TTF2: variants seen among roughly 807,000 people sequenced by gnomAD.
The protein encoded by TTF2 is transcription termination factor 2.
In TTF2, 108 loss-of-function variants were observed where a neutral mutation model predicts 142.4. That is an observed-to-expected ratio of 0.76 (90% CI 0.65 to 0.89). The LOEUF (loss-of-function observed/expected upper bound fraction) is 0.89, where lower values mean the gene tolerates loss of function less well. Ranked by LOEUF, TTF2 falls within the 40% of genes least tolerant of loss-of-function variation. The pLI, the probability that TTF2 is intolerant of heterozygous loss-of-function variation, is 0.00. For missense variants in TTF2, 1,327 were observed against 1,379.8 expected (o/e 0.96, Z 0.61); for synonymous variants, 483 against 506.2 (o/e 0.95, Z 0.61).
rs551068951 is a variant in TTF2, at chr1:117,098,609, C to T, written c.3270-224C>T. The T allele has an allele frequency of 3.2e-4, 143 of 452,882 alleles. 4 individuals carry two copies. The South Asian group carries it at 4.5e-3, about 14-fold the overall frequency. The allele number at this position is 452,882 out of a possible 1,614,324, so 28.1% of individuals were successfully genotyped here. On this transcript the variant is annotated intron_variant, in intron 21 of 22. Coordinates refer to ENST00000369466, the MANE Select transcript of TTF2 (RefSeq NM_003594.4). Reference sequence around the variant, plus strand: ...GGCCAGTATAGCTTAGGACAGGGATCGACAGATTTTTTTTCTTTGAGGCTT... The same window carrying T: ...GGCCAGTATAGCTTAGGACAGGGATTGACAGATTTTTTTTCTTTGAGGCTT...
chr1:117,069,340 C>T (rs879304265), intron 3 of TTF2, among the ~76,000 whole-genome samples: 4 of 152,194 alleles, frequency 2.6e-5, no homozygotes, highest in Non-Finnish European at 5.9e-5. Context: ...TTCTGTGACT[C>T]TAAGACATAC....
rs771527454 is a variant in TTF2 at position 117,090,023 on chromosome 1, C to T, written c.2343-32C>T. The stretch of plus-strand genomic sequence containing the variant: ...TCCATTCTCCCTGACTTTTCCTTCC[C>T]TACTCTGTGCCCTTCTTCCTCAACA... On this transcript the variant is annotated intron_variant, in intron 13 of 22. Coordinates refer to ENST00000369466, the MANE Select transcript of TTF2 (RefSeq NM_003594.4). This position sits in a 1 kb window ranked among gnomAD's most constrained non-coding sequence, Gnocchi z 4.8. The T allele has an allele frequency of 3.9e-5, 63 of 1,602,250 alleles. No homozygotes were observed. The highest frequency in any genetic ancestry group is 5.2e-5 in the Non-Finnish European group (61 of 1,174,176).
At position 117,085,467 on chromosome 1, in the gene TTF2, C is replaced by T. The variant is rs1300948145; in HGVS notation, c.2055-950C>T. 6.6e-6 allele frequency among the ~76,000 whole-genome samples: 1 copy of T among 152,040 alleles called. No individual in the cohort carries two copies. The highest frequency in any genetic ancestry group is 1.5e-5 in the Non-Finnish European group (1 of 68,020). ...ACTTGGGAGGCTGAGGTGGGAGAAT[C>T]GCTTGAGCCTGGAAGGTGGAGGTTG... On this transcript the variant is annotated intron_variant, in intron 11 of 22. Coordinates refer to ENST00000369466, the MANE Select transcript of TTF2 (RefSeq NM_003594.4). This position sits in a 1 kb window ranked among gnomAD's most constrained non-coding sequence, Gnocchi z 4.7.
intron 3 of TTF2, among the ~76,000 whole-genome samples, chr1:117,064,031 G>A (rs1330585527): frequency 2.0e-5 from 3 of 151,956 alleles, no homozygotes; most frequent in African/African-American, 4.8e-5. Context: ...TCTTCACTCC[G>A]GCAATCAGGA....
chr1:117,065,236 A>G (rs1655992328), intron 3 of TTF2, among the ~76,000 whole-genome samples: 1 of 152,218 alleles, frequency 6.6e-6, no homozygotes. Context: ...TTGGGATTGC[A>G]TTGAATCTAT....
At position 117,105,795 on chromosome 1, in the gene TTF2, T is replaced by G. The variant is rs1035149702; in HGVS notation, c.*4271T>G. Reference sequence around the variant, plus strand: ...AGAAGGAAAAACAGAAAAAAAAAATTTTCTGTTTATGGGAGGTGACTTATT... The same window carrying G: ...AGAAGGAAAAACAGAAAAAAAAAATGTTCTGTTTATGGGAGGTGACTTATT... On this transcript the variant is annotated 3_prime_UTR_variant, in exon 23 of 23. Transcript: ENST00000369466. The surrounding 1 kb of genome is among the most constrained non-coding windows in gnomAD (Gnocchi z 4.7). The G allele has an allele frequency of 6.6e-6, 1 of 152,040 alleles. No individual in the cohort carries two copies. Among genetic ancestry groups the G allele is most frequent in the Non-Finnish European group, 1.5e-5 (1 of 67,998 alleles). The allele number at this position is 152,040 out of a possible 1,614,324, so 9.4% of individuals were successfully genotyped here. A position where few individuals can be genotyped will look rare whatever the true frequency, so the allele number is the denominator to read the frequency against.
In TTF2 at chr1:117,073,991, A is replaced by C. The variant is rs544138812; in HGVS notation, c.285+264A>C. On this transcript the variant is annotated intron_variant, in intron 4 of 22. Transcript: ENST00000369466. The surrounding 1 kb of genome is among the most constrained non-coding windows in gnomAD (Gnocchi z 4.4). ...AAATGTAGTCAGTATTCTTTTACTC[A>C]AGGAAAAAAATAGATTTCCTTGACT... is the stretch of plus-strand genomic sequence containing the variant. Among the ~76,000 whole-genome samples the C allele has an allele frequency of 1.3e-5, 2 of 152,196 alleles. No homozygotes were observed. Among genetic ancestry groups the C allele is most frequent in the South Asian group, 4.1e-4 (2 of 4,834 alleles).
At chr1:117,077,474 A>T (rs1657107257) in intron 7 of TTF2, among the ~76,000 whole-genome samples, 1 of 152,176 alleles carries the variant, frequency 6.6e-6, no homozygotes, top group Non-Finnish European at 1.5e-5. Flanking sequence ...ACCTGCAGAT[A>T]TGCTCTTATT....
rs1649856257 is a variant in TTF2, at chr1:117,105,220, T to C, written c.*3696T>C. The C allele has an allele frequency of 6.6e-6, 1 of 152,176 alleles. No homozygotes were observed. The highest frequency in any genetic ancestry group is 6.5e-5 in the Admixed American group (1 of 15,282). 9.4% of individuals were successfully genotyped at this position (152,176 alleles called of 1,614,324 possible). A position where few individuals can be genotyped will look rare whatever the true frequency, so the allele number is the denominator to read the frequency against. On this transcript the variant is annotated 3_prime_UTR_variant, in exon 23 of 23. Transcript: ENST00000369466. The surrounding 1 kb of genome is among the most constrained non-coding windows in gnomAD (Gnocchi z 4.7). ...ATATGAGAACCAGCAGCAGCATGGG[T>C]GCAGCTGAGAACCAGATGGTGAACA...
In TTF2 at chr1:117,106,444, T is replaced by G. The variant is rs1310168722; in HGVS notation, c.*4920T>G. The G allele has an allele frequency of 6.6e-6, 1 of 152,228 alleles. No homozygotes were observed. The highest frequency in any genetic ancestry group is 2.4e-5 in the African/African-American group (1 of 41,454). The allele number at this position is 152,228 out of a possible 1,614,324, so 9.4% of individuals were successfully genotyped here. The stretch of plus-strand genomic sequence containing the variant: ...TTCAGAAAGGATGAGACTATTTTCT[T>G]GCTTAATTATCCACACAGTAATTCA... On this transcript the variant is annotated 3_prime_UTR_variant, in exon 23 of 23. Coordinates refer to ENST00000369466, the MANE Select transcript of TTF2 (RefSeq NM_003594.4).
At chr1:117,083,528 A>G (rs1415922868) in intron 10 of TTF2, among the ~76,000 whole-genome samples, 2 of 152,192 alleles carry the variant, frequency 1.3e-5, no homozygotes, top group African/African-American at 4.8e-5. Context: ...CGCCTCTATA[A>G]TGAATCAACT....
rs753996745 is a variant in TTF2 at position 117,070,323 on chromosome 1, C to G, written c.219-3338C>G. On this transcript the variant is annotated intron_variant, in intron 3 of 22. Coordinates refer to ENST00000369466, the MANE Select transcript of TTF2 (RefSeq NM_003594.4). This position sits in a 1 kb window ranked among gnomAD's most constrained non-coding sequence, Gnocchi z 4.2. ...CGTCACTGTGTGAACTTACACAAAC[C>G]TACTTGGTATAGCCTAATACATACC... is the stretch of plus-strand genomic sequence containing the variant. Among the ~76,000 whole-genome samples the G allele has an allele frequency of 3.9e-4, 60 of 152,350 alleles. No homozygotes were observed. Among genetic ancestry groups the G allele is most frequent in the South Asian group, 6.2e-4 (3 of 4,832 alleles).
At position 117,102,680 on chromosome 1, in the gene TTF2, CATT is replaced by C. The variant is rs1323151161; in HGVS notation, c.*1157_*1159del. 3 of 151,882 alleles carry C rather than the reference CATT, an allele frequency of 2.0e-5. No homozygotes were observed. Among genetic ancestry groups the C allele is most frequent in the South Asian group, 2.1e-4 (1 of 4,810 alleles). The allele number at this position is 151,882 out of a possible 1,614,324, so 9.4% of individuals were successfully genotyped here. A position where few individuals can be genotyped will look rare whatever the true frequency, so the allele number is the denominator to read the frequency against. On this transcript the variant is annotated 3_prime_UTR_variant, in exon 23 of 23. Transcript: ENST00000369466. ...TTGCAGTATTTGTAGCATTTAGTATCATTGTTTCATTTAGTATTTGGTACAATC... is the reference window on the plus strand; with the variant it reads ...TTGCAGTATTTGTAGCATTTAGTATCGTTTCATTTAGTATTTGGTACAATC...
rs1649875701 is a variant in TTF2, at chr1:117,105,543, C to T, written c.*4019C>T. ...ACCAGACTGGCCAACATGGCAAAACCTCCTCTCTACTAAAAATACAAAAGT... is the reference window on the plus strand; with the variant it reads ...ACCAGACTGGCCAACATGGCAAAACTTCCTCTCTACTAAAAATACAAAAGT... On this transcript the variant is annotated 3_prime_UTR_variant, in exon 23 of 23. Coordinates refer to ENST00000369466, the MANE Select transcript of TTF2 (RefSeq NM_003594.4). The surrounding 1 kb of genome is among the most constrained non-coding windows in gnomAD (Gnocchi z 4.7). 6.6e-6 allele frequency: 1 copy of T among 152,172 alleles called. No individual in the cohort carries two copies. Among genetic ancestry groups the T allele is most frequent in the Non-Finnish European group, 1.5e-5 (1 of 68,068 alleles). 9.4% of individuals were successfully genotyped at this position (152,172 alleles called of 1,614,324 possible).
At position 117,095,376 on chromosome 1, in the gene TTF2, G is replaced by A. The variant is rs145045670; in HGVS notation, c.3035+9G>A. 620 of 1,613,556 alleles carry A rather than the reference G, an allele frequency of 3.8e-4. No individual in the cohort carries two copies. Among genetic ancestry groups the A allele is most frequent in the Non-Finnish European group, 4.6e-4 (545 of 1,179,530 alleles). ...TCAGCATCCCAAAAGAGGTAACTGC[G>A]TTTTCTCATTATCCAAGTATTGGTC... is the stretch of plus-strand genomic sequence containing the variant. On this transcript the variant is annotated intron_variant, in intron 19 of 22. Transcript: ENST00000369466.
In TTF2 at chr1:117,080,938, G is replaced by A. The variant is rs1647452482; in HGVS notation, c.1784-890G>A. ...TTTAATGCCCAAGGTTTTTATTGGG[G>A]GCTGGTTACTTCAGCTGGTTACACA... is the stretch of plus-strand genomic sequence containing the variant. On this transcript the variant is annotated intron_variant, in intron 9 of 22. Coordinates refer to ENST00000369466, the MANE Select transcript of TTF2 (RefSeq NM_003594.4). This position sits in a 1 kb window ranked among gnomAD's most constrained non-coding sequence, Gnocchi z 4.3. 6.6e-6 allele frequency among the ~76,000 whole-genome samples: 1 copy of A among 152,170 alleles called. No homozygotes were observed.
chr1:117,085,030 C>T lies in TTF2; in HGVS notation c.2054+862C>T, dbSNP rs1180612812. ...GCAGTGGCAGGCCTGCAGGCCTTCCCTGGCATAGATTACTGTGAGTTGTCT... is the reference window on the plus strand; with the variant it reads ...GCAGTGGCAGGCCTGCAGGCCTTCCTTGGCATAGATTACTGTGAGTTGTCT... On this transcript the variant is annotated intron_variant, in intron 11 of 22. Coordinates refer to ENST00000369466, the MANE Select transcript of TTF2 (RefSeq NM_003594.4). The surrounding 1 kb of genome is among the most constrained non-coding windows in gnomAD (Gnocchi z 4.7). Among the ~76,000 whole-genome samples, 1 of 152,146 alleles carries T rather than the reference C, an allele frequency of 6.6e-6. No individual in the cohort carries two copies. Among genetic ancestry groups the T allele is most frequent in the African/African-American group, 2.4e-5 (1 of 41,420 alleles).
intron 3 of TTF2, among the ~76,000 whole-genome samples, chr1:117,064,676 C>T (rs1655944744): frequency 6.6e-6 from 1 of 151,984 alleles, no homozygotes. Flanking sequence ...TACAGGTGTG[C>T]ACCAATAATT....
intron 13 of TTF2, among the ~76,000 whole-genome samples, chr1:117,089,260 C>CTCTATATATATATATATATATATATA (rs1553198318): frequency 7.3e-6 from 1 of 137,468 alleles, no homozygotes; most frequent in Non-Finnish European, 1.6e-5. Context: ...CAAATATATG[C>CTCTATATATATATATATATATATATA]TATATATATA....
Sources: gnomAD v4.1 joint callset for allele counts (sites outside exome capture counted in the v4.1 genomes callset) on GRCh38, gnomAD v4.1.1 for gene constraint, Gnocchi (gnomAD v3.1) non-coding constraint, MANE v1.5 for transcripts, NCBI Gene and HGNC (gene_info 2026-07-23, HGNC 2026-07-21) for gene names.